The following EXOC6 variants were observed in gnomAD, a reference collection of about 807,000 sequenced individuals.
EXOC6 encodes the protein exocyst complex component 6, also known as SEC15-like 1.
EXOC6 carries 60 observed loss-of-function variants against 112.5 expected under a neutral mutation model. The ratio of observed to expected loss-of-function variants is 0.53; its 90% CI spans 0.43 to 0.66. EXOC6 has a LOEUF of 0.66. EXOC6 is among the 30% of genes least tolerant of loss of function. The pLI is 0.00. For synonymous variants in EXOC6, 295 were observed against 308.0 expected (o/e 0.96, Z 0.44); for missense variants, 855 against 957.1 (o/e 0.89, Z 1.41).
At chr10:92,846,580 G>T (rs2497339), upstream of EXOC6, among the ~76,000 whole-genome samples, 34,872 of 152,096 alleles carry the variant, frequency 0.23, 4,905 homozygotes, top group Non-Finnish European at 0.31. Context: ...CCCACAAAAA[G>T]AATGAAAAGC....
chr10:92,926,823 G>A (rs1479543843), intron 8 of EXOC6, among the ~76,000 whole-genome samples: 1 of 152,166 alleles, frequency 6.6e-6, no homozygotes. Flanking sequence ...GTGAGCTACT[G>A]TGCCCGGCCC....
At chr10:93,010,169 A>T (rs1191276214) in intron 19 of EXOC6, among the ~76,000 whole-genome samples, 2 of 152,202 alleles carry the variant, frequency 1.3e-5, no homozygotes, top group African/African-American at 4.8e-5. Flanking sequence ...CCTCTGTGCC[A>T]GATGATTATC....
chr10:92,996,507 C>T (rs920610979), intron 18 of EXOC6, among the ~76,000 whole-genome samples: 1 of 151,652 alleles, frequency 6.6e-6, no homozygotes, highest in African/African-American at 2.4e-5. Flanking sequence ...GTCCCAGCTA[C>T]TTGGGAGGCT....
At chr10:92,872,165 C>G (rs12769058) in intron 1 of EXOC6, among the ~76,000 whole-genome samples, 67,902 of 151,900 alleles carry the variant, frequency 0.45, 15,922 homozygotes, top group African/African-American at 0.57. Context: ...GATGATTGCT[C>G]TAGGTGTATT....
chr10:92,849,942 A>C (rs1847243567), intron 1 of EXOC6, among the ~76,000 whole-genome samples: 1 of 152,126 alleles, frequency 6.6e-6, no homozygotes, highest in South Asian at 2.1e-4. Flanking sequence ...GCATGTTATA[A>C]ATTTTTGTCA....
intron 6 of EXOC6, among the ~76,000 whole-genome samples, chr10:92,913,584 C>T (rs1349731814): frequency 1.3e-5 from 2 of 152,188 alleles, no homozygotes; most frequent in Non-Finnish European, 2.9e-5. Flanking sequence ...CTGATGAATT[C>T]CTGCTTTTTC....
chr10:92,829,427 A>C (rs1846437061), intron 1 of EXOC6, among the ~76,000 whole-genome samples: 1 of 152,148 alleles, frequency 6.6e-6, no homozygotes, highest in Non-Finnish European at 1.5e-5. Flanking sequence ...CTCTGCTCTT[A>C]ACCTCACTCC....
intron 1 of EXOC6, among the ~76,000 whole-genome samples, chr10:92,853,650 T>C (rs948288055): frequency 6.6e-6 from 1 of 152,228 alleles, no homozygotes; most frequent in Non-Finnish European, 1.5e-5. Flanking sequence ...GATAGTCTTT[T>C]TTAGTAATGG....
rs11187205 is a variant in EXOC6 at position 92,898,429 on chromosome 10, C to CAA, written c.413-1155_413-1154dup. Among the ~76,000 whole-genome samples the CAA allele has an allele frequency of 1.7e-3, 240 of 137,312 alleles. 2 individuals carry two copies. Among genetic ancestry groups the CAA allele is most frequent in the Middle Eastern group, 7.4e-3 (2 of 270 alleles). The allele number at this position is 137,312 out of a possible 152,430, so 90.1% of individuals were successfully genotyped here. On this transcript the variant is annotated intron_variant, in intron 4 of 21. Transcript: ENST00000260762. The stretch of plus-strand genomic sequence containing the variant: ...TGGGTGACAGAGTGAGACCTTGTCT[C>CAA]AAAAAAAAAAAAAAAATCACGGCAT...
intron 17 of EXOC6, among the ~76,000 whole-genome samples, chr10:92,958,549 A>C (rs368426938): frequency 3.3e-5 from 5 of 152,308 alleles, no homozygotes; most frequent in African/African-American, 1.2e-4. Flanking sequence ...CTGAAGTGAC[A>C]GTAGTAAATT....
At chr10:93,026,806 T>C (rs1366000019) in intron 20 of EXOC6, among the ~76,000 whole-genome samples, 1 of 152,214 alleles carries the variant, frequency 6.6e-6, no homozygotes, top group Non-Finnish European at 1.5e-5. Context: ...TTCCCGTCTC[T>C]TCCTCTCCTG....
chr10:92,920,015 C>G lies in EXOC6; in HGVS notation c.853C>G (p.Pro285Ala), dbSNP rs1384016323. 5 of 1,605,622 alleles carry G rather than the reference C, an allele frequency of 3.1e-6. No individual in the cohort carries two copies. The African/African-American group carries it at 6.7e-5, about 22-fold the overall frequency. The change falls in exon 8 of 22, where the codon CCT becomes GCT. Residue 285 changes from proline (P) to alanine (A), a missense_variant. Transcript: ENST00000260762. ...LTVQDLVDFS[P>A]VYRCLHIYSV... ...TGTTCAGGATCTTGTTGATTTTTCCCCTGTTTATCGATGTTTGCACATTTA... is the reference window on the plus strand; with the variant it reads ...TGTTCAGGATCTTGTTGATTTTTCCGCTGTTTATCGATGTTTGCACATTTA...
upstream of EXOC6, among the ~76,000 whole-genome samples, chr10:92,845,291 G>A (rs1847007000): frequency 6.6e-6 from 1 of 152,180 alleles, no homozygotes; most frequent in African/African-American, 2.4e-5. Flanking sequence ...GGTGGCTCAT[G>A]CCTGTAATCC....
intron 19 of EXOC6, chr10:92,999,317 C>T (rs1340096920): frequency 7.6e-6 from 3 of 394,188 alleles, no homozygotes; most frequent in Non-Finnish European, 1.5e-5. Context: ...CCTGCCTTGG[C>T]ATCCCAAAAT....
At chr10:92,890,081 A>G (rs1322996860) in intron 1 of EXOC6, among the ~76,000 whole-genome samples, 1 of 152,052 alleles carries the variant, frequency 6.6e-6, no homozygotes, top group Non-Finnish European at 1.5e-5. Flanking sequence ...CCTTAATGAT[A>G]TTGTCTTCCT....
intron 8 of EXOC6, 61 bp from the exon 9 acceptor site, chr10:92,928,278 T>C: frequency 1.2e-6 from 1 of 825,626 alleles, no homozygotes; most frequent in Non-Finnish European, 2.0e-6. Flanking sequence ...TAAAGAAGTA[T>C]CTGTTTTAGT....
At chr10:92,936,147 A>G (rs1280872096) in intron 12 of EXOC6, among the ~76,000 whole-genome samples, 1 of 152,166 alleles carries the variant, frequency 6.6e-6, no homozygotes, top group African/African-American at 2.4e-5. Context: ...TTATAGTTGA[A>G]AAAAAGAATA....
intron 12 of EXOC6, 53 bp from the exon 13 acceptor site, chr10:92,940,674 A>G: frequency 8.4e-7 from 1 of 1,192,322 alleles, no homozygotes; most frequent in South Asian, 1.4e-5. Flanking sequence ...AACATTTTTA[A>G]TGAATATTTT....
At position 92,889,870 on chromosome 10, in the gene EXOC6, C is replaced by T. The variant is rs181050134; in HGVS notation, c.102-3479C>T. ...GCTCAAGCAATTTTCCCATCTCAGC[C>T]TACTGAGTAGCTGGGACTACAGGCG... On this transcript the variant is annotated intron_variant, in intron 1 of 21. Transcript: ENST00000260762. Among the ~76,000 whole-genome samples the T allele has an allele frequency of 1.7e-4, 26 of 152,270 alleles. No individual in the cohort carries two copies. The East Asian group carries it at 2.7e-3, about 16-fold the overall frequency.
Sources: gnomAD v4.1 joint callset for allele counts (sites outside exome capture counted in the v4.1 genomes callset) on GRCh38, gnomAD v4.1.1 for gene constraint, MANE v1.5 for transcripts, NCBI Gene and HGNC (gene_info 2026-07-23, HGNC 2026-07-21) for gene names.